GABRG3: variants seen among roughly 807,000 people sequenced by gnomAD.
GABRG3 encodes gamma-aminobutyric acid receptor subunit gamma-3.
Under a neutral mutation model 48.8 loss-of-function variants are expected in GABRG3, and 25 were observed. The ratio of observed to expected loss-of-function variants is 0.51; its 90% CI spans 0.37 to 0.72. GABRG3 has a LOEUF of 0.72. Among genes scored for constraint, GABRG3 ranks in the 30% least tolerant of loss-of-function variants. The probability of loss-of-function intolerance (pLI) is 0.00; values close to 1 mark genes in which losing one functional copy is unlikely to be tolerated. For synonymous variants in GABRG3, 227 were observed against 217.6 expected (o/e 1.04, Z -0.38); for missense variants, 394 against 577.9 (o/e 0.68, Z 3.26).
intron 4 of GABRG3, among the ~76,000 whole-genome samples, chr15:27,327,519 T>G (rs969485696): frequency 6.6e-6 from 1 of 152,184 alleles, no homozygotes; most frequent in Non-Finnish European, 1.5e-5. Context: ...AGAAGGGAAC[T>G]GACTCGCCCA....
At chr15:27,502,954 A>G (rs1040343002) in intron 6 of GABRG3, among the ~76,000 whole-genome samples, 4 of 152,176 alleles carry the variant, frequency 2.6e-5, no homozygotes, top group African/African-American at 7.2e-5. Flanking sequence ...GCCATCTGGA[A>G]GTGCTCAGAA....
At chr15:27,260,151 AT>A (rs898363894) in intron 3 of GABRG3, among the ~76,000 whole-genome samples, 1 of 152,112 alleles carries the variant, frequency 6.6e-6, no homozygotes, top group African/African-American at 2.4e-5. Context: ...ATGGAAATGT[AT>A]TTTCTCCATT....
intron 5 of GABRG3, among the ~76,000 whole-genome samples, chr15:27,427,064 C>G (rs1888313961): frequency 6.6e-6 from 1 of 152,138 alleles, no homozygotes; most frequent in African/African-American, 2.4e-5. Context: ...TGTTTCAATA[C>G]TCTGTCTTCT....
intron 3 of GABRG3, among the ~76,000 whole-genome samples, chr15:27,033,075 T>C (rs1048596110): frequency 6.6e-6 from 1 of 152,260 alleles, no homozygotes; most frequent in Admixed American, 6.5e-5. Context: ...GTCGAGGAGA[T>C]AACCAGTATT....
chr15:27,491,699 G>A (rs1214631928), intron 6 of GABRG3, among the ~76,000 whole-genome samples: 1 of 152,130 alleles, frequency 6.6e-6, no homozygotes, highest in Non-Finnish European at 1.5e-5. Context: ...TCCACGTAAT[G>A]CTTAAATGTC....
intron 2 of GABRG3, among the ~76,000 whole-genome samples, chr15:26,992,539 A>AACCCTTC (rs1895268126): frequency 6.6e-6 from 1 of 152,150 alleles, no homozygotes; most frequent in East Asian, 1.9e-4. Flanking sequence ...GTGTATGTTG[A>AACCCTTC]ACCCTTCTTG....
At position 27,254,983 on chromosome 15, in the gene GABRG3, C is replaced by G. The variant is rs75930322; in HGVS notation, c.271-71826C>G. On this transcript the variant is annotated intron_variant, in intron 3 of 9. Coordinates refer to ENST00000615808, the MANE Select transcript of GABRG3 (RefSeq NM_033223.5). ...GCAACCACAGCCGGCCCTGATACCC[C>G]CTGCACCAGATGCCTCCCACGGCCA... is the stretch of plus-strand genomic sequence containing the variant. Among the ~76,000 whole-genome samples the G allele has an allele frequency of 5.3e-3, 813 of 152,252 alleles. 19 individuals carry two copies. The East Asian group carries it at 0.064, about 12-fold the overall frequency.
intron 3 of GABRG3, among the ~76,000 whole-genome samples, chr15:27,314,154 A>G (rs1444900442): frequency 1.3e-5 from 2 of 152,140 alleles, no homozygotes; most frequent in Non-Finnish European, 2.9e-5. Context: ...GCTTTTGCAC[A>G]ACAAAGGAAA....
At chr15:27,450,746 C>T (rs1566846273) in intron 5 of GABRG3, among the ~76,000 whole-genome samples, 1 of 151,870 alleles carries the variant, frequency 6.6e-6, no homozygotes, top group Non-Finnish European at 1.5e-5. Flanking sequence ...GGGGTGGCAT[C>T]CAAATCTTCT....
intron 5 of GABRG3, among the ~76,000 whole-genome samples, chr15:27,448,234 A>T (rs1889001262): frequency 6.6e-6 from 1 of 152,192 alleles, no homozygotes; most frequent in Admixed American, 6.5e-5. Context: ...TTTTGTTATA[A>T]AGAGAACAAA....
At chr15:27,506,300 G>A (rs375876915) in intron 6 of GABRG3, among the ~76,000 whole-genome samples, 1 of 152,178 alleles carries the variant, frequency 6.6e-6, no homozygotes, top group Admixed American at 6.5e-5. Flanking sequence ...GAAATTATCT[G>A]GGTGGGCTTT....
chr15:27,424,731 T>TTTAG (rs1331080440), intron 5 of GABRG3, among the ~76,000 whole-genome samples: 2 of 151,960 alleles, frequency 1.3e-5, no homozygotes, highest in African/African-American at 4.8e-5. Context: ...TTTTTGTATT[T>TTTAG]TTAGTAGAGA....
chr15:27,401,135 G>A (rs927080551), intron 5 of GABRG3, among the ~76,000 whole-genome samples: 5 of 152,138 alleles, frequency 3.3e-5, no homozygotes, highest in African/African-American at 1.2e-4. Context: ...ATGATTGCAG[G>A]AATTTCAAAG....
At chr15:27,283,691 G>A (rs1891513383) in intron 3 of GABRG3, among the ~76,000 whole-genome samples, 1 of 152,100 alleles carries the variant, frequency 6.6e-6, no homozygotes, top group Non-Finnish European at 1.5e-5. Context: ...TGTATTGTCT[G>A]TGCCCAGGAG....
intron 5 of GABRG3, among the ~76,000 whole-genome samples, chr15:27,403,783 G>T (rs987948526): frequency 1.3e-5 from 2 of 150,230 alleles, no homozygotes; most frequent in Non-Finnish European, 3.0e-5. Flanking sequence ...GTGGTAGTGC[G>T]CGCCTGTAAT....
intron 7 of GABRG3, 115 bp from the exon 8 acceptor site, chr15:27,527,318 A>T: frequency 1.3e-6 from 1 of 771,092 alleles, no homozygotes; most frequent in Non-Finnish European, 2.1e-6. Context: ...TGAGGTATGC[A>T]GCATCAGGGA....
chr15:27,446,388 A>G (rs1375432650), intron 5 of GABRG3, among the ~76,000 whole-genome samples: 1 of 152,056 alleles, frequency 6.6e-6, no homozygotes, highest in East Asian at 1.9e-4. Context: ...CACCAGACCG[A>G]CCCCTGAAAT....
intron 5 of GABRG3, among the ~76,000 whole-genome samples, chr15:27,331,901 G>C (rs1196935301): frequency 6.6e-6 from 1 of 151,506 alleles, no homozygotes; most frequent in Admixed American, 6.6e-5. Context: ...AATCAATTAG[G>C]AATCTATTGC....
intron 3 of GABRG3, among the ~76,000 whole-genome samples, chr15:27,087,754 A>C (rs1213547804): frequency 6.6e-6 from 1 of 151,206 alleles, no homozygotes; most frequent in South Asian, 2.1e-4. Context: ...GGTGTGCTGT[A>C]GTGTGTGGTG....
Sources: gnomAD v4.1 joint callset for allele counts (sites outside exome capture counted in the v4.1 genomes callset) on GRCh38, gnomAD v4.1.1 for gene constraint, MANE v1.5 for transcripts, NCBI Gene and HGNC (gene_info 2026-07-23, HGNC 2026-07-21) for gene names.